TTLL5: variants seen among roughly 807,000 people sequenced by gnomAD.
TTLL5 encodes the protein tubulin polyglutamylase TTLL5.
A neutral mutation model predicts 168.4 loss-of-function variants in TTLL5; 132 were observed. The observed-to-expected ratio is 0.78, with a 90% confidence interval of 0.68 to 0.91. TTLL5 has a LOEUF of 0.91. Ranked by LOEUF, TTLL5 falls within the 40% of genes least tolerant of loss-of-function variation. The pLI is 0.00. For missense variants in TTLL5, 1,545 were observed against 1,581.5 expected, an observed-to-expected ratio of 0.98 and a Z score of 0.39; for synonymous variants, 546 against 558.6, an observed-to-expected ratio of 0.98 and a Z score of 0.32.
At chr14:75,903,113 T>C (rs1215820507) in intron 31 of TTLL5, among the ~76,000 whole-genome samples, 1 of 152,246 alleles carries the variant, frequency 6.6e-6, no homozygotes, top group African/African-American at 2.4e-5. Context: ...ATGTAGGAAC[T>C]ATATTCCCCA....
intron 3 of TTLL5, among the ~76,000 whole-genome samples, chr14:75,676,745 G>T (rs1382128908): frequency 6.6e-6 from 1 of 151,264 alleles, no homozygotes; most frequent in Admixed American, 6.6e-5. Flanking sequence ...AGGAGTAGGA[G>T]AAATAATATT....
intron 4 of TTLL5, among the ~76,000 whole-genome samples, chr14:75,682,729 G>T (rs1884717101): frequency 6.6e-6 from 1 of 151,558 alleles, no homozygotes; most frequent in African/African-American, 2.4e-5. Flanking sequence ...CCTAGCTTGA[G>T]ATTTGTAAGA....
At chr14:75,774,857 T>G (rs1462687452) in intron 21 of TTLL5, among the ~76,000 whole-genome samples, 1 of 151,894 alleles carries the variant, frequency 6.6e-6, no homozygotes, top group Admixed American at 6.6e-5. Flanking sequence ...TCAGGCTAAT[T>G]TTTGTATTTT....
chr14:75,948,238 G>A (rs1013723822), intron 31 of TTLL5, among the ~76,000 whole-genome samples: 3 of 152,038 alleles, frequency 2.0e-5, no homozygotes, highest in Admixed American at 6.5e-5. Context: ...TAACCCCTGC[G>A]CTTTGGGAGG....
chr14:75,847,506 T>C (rs1440616920), intron 28 of TTLL5, among the ~76,000 whole-genome samples: 2 of 152,096 alleles, frequency 1.3e-5, no homozygotes, highest in Admixed American at 1.3e-4. Context: ...TTAACTTATG[T>C]ACCTTAATTC....
chr14:75,814,489 G>C (rs1894262823), intron 27 of TTLL5: 1 of 152,092 alleles, frequency 6.6e-6, no homozygotes, highest in Non-Finnish European at 1.5e-5. Context: ...AAACCTTCAG[G>C]TATGAACCCT....
Position 75,837,824 on chromosome 14 carries a change from T to A in TTLL5, c.3326+17663T>A, listed in dbSNP as rs150647398. ...TAAAATATTTCATTAAACATATATA[T>A]ATGTGTATATCTAGATATATGTGTG... On this transcript the variant is annotated intron_variant, in intron 28 of 31. Transcript: ENST00000298832. Among the ~76,000 whole-genome samples, 238 of 152,290 alleles carry A rather than the reference T, an allele frequency of 1.6e-3. 1 individual carries two copies. Among genetic ancestry groups the A allele is most frequent in the African/African-American group, 5.3e-3 (222 of 41,556 alleles).
At chr14:75,854,950 G>C (rs1045775087) in intron 28 of TTLL5, among the ~76,000 whole-genome samples, 3 of 151,882 alleles carry the variant, frequency 2.0e-5, no homozygotes, top group Non-Finnish European at 2.9e-5. Context: ...TTCCTCAAAG[G>C]CATGTCTTGC....
intron 31 of TTLL5, among the ~76,000 whole-genome samples, chr14:75,951,238 C>G (rs745309781): frequency 6.6e-6 from 1 of 151,226 alleles, no homozygotes; most frequent in Non-Finnish European, 1.5e-5. Flanking sequence ...GTCCCAGGTA[C>G]TTAGGAGGCT....
intron 31 of TTLL5, among the ~76,000 whole-genome samples, chr14:75,945,927 A>G (rs2140207135): frequency 6.6e-6 from 1 of 152,354 alleles, no homozygotes; most frequent in South Asian, 2.1e-4. Flanking sequence ...GGAAACAAAA[A>G]TACAGTGTAA....
chr14:75,884,928 T>C (rs2032024526), intron 30 of TTLL5, among the ~76,000 whole-genome samples: 1 of 150,494 alleles, frequency 6.6e-6, no homozygotes, highest in Non-Finnish European at 1.5e-5. Context: ...CCCAGCACTT[T>C]GGGAGGCAGA....
chr14:75,692,119 T>C (rs922149231), intron 6 of TTLL5, among the ~76,000 whole-genome samples: 4 of 152,230 alleles, frequency 2.6e-5, no homozygotes, highest in African/African-American at 9.6e-5. Context: ...CTCCAACTTC[T>C]GTGTGCCTTA....
At chr14:75,894,402 A>G (rs1365170555) in intron 30 of TTLL5, among the ~76,000 whole-genome samples, 1 of 152,102 alleles carries the variant, frequency 6.6e-6, no homozygotes, top group Admixed American at 6.6e-5. Context: ...AAATACAAAA[A>G]ATTAGCTGGG....
intron 18 of TTLL5, among the ~76,000 whole-genome samples, chr14:75,764,282 C>T (rs1358126868): frequency 1.3e-5 from 2 of 152,076 alleles, no homozygotes; most frequent in Non-Finnish European, 2.9e-5. Context: ...AAGATATTGT[C>T]GTTTTTAAGG....
intron 5 of TTLL5, among the ~76,000 whole-genome samples, chr14:75,686,485 A>C (rs1185782119): frequency 6.6e-6 from 1 of 152,176 alleles, no homozygotes; most frequent in East Asian, 1.9e-4. Flanking sequence ...GCTAGTGATG[A>C]TAAGAGTTCC....
At chr14:75,934,603 C>T (rs545154383) in intron 31 of TTLL5, among the ~76,000 whole-genome samples, 22 of 152,242 alleles carry the variant, frequency 1.4e-4, no homozygotes, top group South Asian at 6.2e-4. Flanking sequence ...TGGTGCTTCT[C>T]ATCCAGGGCT....
chr14:75,924,325 T>C (rs1303941696), intron 31 of TTLL5, among the ~76,000 whole-genome samples: 2 of 151,716 alleles, frequency 1.3e-5, no homozygotes, highest in Non-Finnish European at 2.9e-5. Context: ...TGGGTGTTTC[T>C]CGCAGAGGGG....
intron 17 of TTLL5, among the ~76,000 whole-genome samples, chr14:75,751,676 T>A (rs1264500169): frequency 6.6e-6 from 1 of 152,068 alleles, no homozygotes; most frequent in African/African-American, 2.4e-5. Flanking sequence ...ACTGTATAGA[T>A]GTAGAGGAGA....
intron 30 of TTLL5, among the ~76,000 whole-genome samples, chr14:75,896,082 G>T (rs1427140039): frequency 6.6e-6 from 1 of 152,160 alleles, no homozygotes. Context: ...CACAAAAGTT[G>T]ACTTCACTAA....
Sources: gnomAD v4.1 joint callset for allele counts (sites outside exome capture counted in the v4.1 genomes callset) on GRCh38, gnomAD v4.1.1 for gene constraint, MANE v1.5 for transcripts, NCBI Gene and HGNC (gene_info 2026-07-23, HGNC 2026-07-21) for gene names.